Variants in PLLP observed in about 807,000 individuals in gnomAD.
The protein encoded by PLLP is plasmolipin.
A neutral mutation model predicts 19.7 loss-of-function variants in PLLP; 15 were observed. The observed-to-expected ratio is 0.76, with a 90% confidence interval of 0.51 to 1.17. The LOEUF (loss-of-function observed/expected upper bound fraction) is 1.17. Among genes scored for constraint, PLLP ranks in the 50% most tolerant of loss-of-function variants. The pLI is 0.00. For missense variants in PLLP, 255 were observed against 258.3 expected, an observed-to-expected ratio of 0.99 and a Z score of 0.09; for synonymous variants, 111 against 116.3, an observed-to-expected ratio of 0.95 and a Z score of 0.29.
At chr16:57,264,255 T>C (rs751782668) in intron 1 of PLLP, among the ~76,000 whole-genome samples, 30 of 152,294 alleles carry the variant, frequency 2.0e-4, no homozygotes, top group Non-Finnish European at 4.0e-4. Context: ...TTCCTCGGCC[T>C]ACTCCCCATC....
At chr16:57,259,367 C>A (rs2075435456) in intron 2 of PLLP, among the ~76,000 whole-genome samples, 1 of 152,240 alleles carries the variant, frequency 6.6e-6, no homozygotes, top group South Asian at 2.1e-4. Context: ...TCTCTGCCTT[C>A]AGGGGGAAGA....
At chr16:57,259,496 C>T (rs2075435752) in intron 2 of PLLP, among the ~76,000 whole-genome samples, 1 of 152,158 alleles carries the variant, frequency 6.6e-6, no homozygotes, top group Non-Finnish European at 1.5e-5. Context: ...AGGAAGGGGC[C>T]CTCTGCTGAC....
In PLLP at chr16:57,284,445, G is replaced by A. The variant is rs748836837; in HGVS notation, c.96C>T (p.Phe32=). ...TGAGCGCCCCGAGGCGGGAGCGCAC[G>A]AAGCCCAGGTCCGGGCGCAGCGCCG... ...SVSALRPDLG[F]VRSRLGALML... The change falls in exon 1 of 4, where the codon TTC becomes TTT. Residue 32 remains phenylalanine (F), a synonymous_variant. Transcript: ENST00000219207. 6 of 1,405,122 alleles carry A rather than the reference G, an allele frequency of 4.3e-6. No homozygotes were observed. In the Middle Eastern group the frequency reaches 9.7e-4, roughly 227 times the overall value. 87.0% of individuals were successfully genotyped at this position (1,405,122 alleles called of 1,614,324 possible). A position where few individuals can be genotyped will look rare whatever the true frequency, so the allele number is the denominator to read the frequency against.
intron 1 of PLLP, among the ~76,000 whole-genome samples, chr16:57,281,517 C>CTGTTTTTTTTTTTT (rs1901218414): frequency 7.7e-6 from 1 of 130,142 alleles, no homozygotes; most frequent in African/African-American, 3.1e-5. Flanking sequence ...TTTTTTATTT[C>CTGTTTTTTTTTTTT]TTTTTTTTTT....
intron 3 of PLLP, 140 bp downstream of exon 3, chr16:57,258,322 C>A: frequency 1.3e-6 from 1 of 760,156 alleles, no homozygotes; most frequent in South Asian, 1.9e-5. Flanking sequence ...GGCGGCCCGG[C>A]TCCCCTCTAA....
intron 1 of PLLP, among the ~76,000 whole-genome samples, chr16:57,271,023 T>C (rs2075473290): frequency 6.6e-6 from 1 of 151,992 alleles, no homozygotes; most frequent in Admixed American, 6.5e-5. Context: ...CACCCCCACC[T>C]CCCGCGTGGA....
intron 2 of PLLP, among the ~76,000 whole-genome samples, chr16:57,260,615 T>C (rs1372447526): frequency 6.6e-6 from 1 of 152,218 alleles, no homozygotes; most frequent in Non-Finnish European, 1.5e-5. Flanking sequence ...TTGCTTGTCT[T>C]ACAATCATGT....
rs1251398284 is a variant in PLLP at position 57,277,670 on chromosome 16, G to T, written c.135+6736C>A. ...AGATGGACACAGCTTGCTGTGCACT[G>T]ATACAGAATATCCCTAGGTGTATTG... On this transcript the variant is annotated intron_variant, in intron 1 of 3. Coordinates refer to ENST00000219207, the MANE Select transcript of PLLP (RefSeq NM_015993.3). Among the ~76,000 whole-genome samples, 3 of 152,152 alleles carry T rather than the reference G, an allele frequency of 2.0e-5. No homozygotes were observed. The South Asian group carries it at 6.2e-4, about 32-fold the overall frequency.
intron 1 of PLLP, among the ~76,000 whole-genome samples, chr16:57,284,008 G>A (rs1352001091): frequency 6.6e-6 from 1 of 152,144 alleles, no homozygotes; most frequent in Non-Finnish European, 1.5e-5. Context: ...CGGGCAGAAA[G>A]AGGGGTGAAA....
At chr16:57,273,628 T>C (rs1676480170) in intron 1 of PLLP, among the ~76,000 whole-genome samples, 4 of 152,176 alleles carry the variant, frequency 2.6e-5, no homozygotes, top group African/African-American at 7.2e-5. Flanking sequence ...CCAATTACCA[T>C]GGAGACCTGG....
At chr16:57,269,015 T>C (rs924051691) in intron 1 of PLLP, among the ~76,000 whole-genome samples, 2 of 152,122 alleles carry the variant, frequency 1.3e-5, no homozygotes, top group South Asian at 4.1e-4. Flanking sequence ...ACCTGACAGA[T>C]AAGGCGGTGG....
chr16:57,258,768 A>C (rs991890007), intron 2 of PLLP, among the ~76,000 whole-genome samples, 184 bp from the exon 3 acceptor site: 3 of 151,712 alleles, frequency 2.0e-5, no homozygotes, highest in Non-Finnish European at 4.4e-5. Context: ...CAAAAATAAA[A>C]AAGTTAGCCA....
chr16:57,284,457 C>T lies in PLLP; in HGVS notation c.84G>A (p.Pro28=). Residue 28 remains proline, a synonymous_variant, in exon 1 of 4, where the codon CCG becomes CCA. Coordinates refer to ENST00000219207, the MANE Select transcript of PLLP (RefSeq NM_015993.3). The part of the protein sequence containing the change: ...GAEASVSALR[P]DLGFVRSRLG... ...GGCGGGAGCGCACGAAGCCCAGGTC[C>T]GGGCGCAGCGCCGACACCGAGGCTT... The T allele has an allele frequency of 7.1e-7, 1 of 1,411,616 alleles. No individual in the cohort carries two copies. Among genetic ancestry groups the T allele is most frequent in the East Asian group, 3.0e-5 (1 of 33,704 alleles). The allele number at this position is 1,411,616 out of a possible 1,614,324, so 87.4% of individuals were successfully genotyped here. A position where few individuals can be genotyped will look rare whatever the true frequency, so the allele number is the denominator to read the frequency against.
chr16:57,283,613 G>A (rs1206361478), intron 1 of PLLP, among the ~76,000 whole-genome samples: 1 of 152,306 alleles, frequency 6.6e-6, no homozygotes, highest in Non-Finnish European at 1.5e-5. Context: ...GCTAACATCC[G>A]GGCCTGTGGC....
intron 1 of PLLP, among the ~76,000 whole-genome samples, 198 bp from the exon 2 acceptor site, chr16:57,262,268 A>T (rs995770566): frequency 4.6e-5 from 7 of 152,096 alleles, no homozygotes; most frequent in Non-Finnish European, 1.0e-4. Flanking sequence ...CAGAAAAATT[A>T]AGGCCGGGCG....
chr16:57,262,783 C>T (rs2075445996), intron 1 of PLLP, among the ~76,000 whole-genome samples: 1 of 152,080 alleles, frequency 6.6e-6, no homozygotes, highest in Non-Finnish European at 1.5e-5. Context: ...TCGTGTGATA[C>T]ACCACTGTAC....
intron 1 of PLLP, among the ~76,000 whole-genome samples, chr16:57,278,775 G>A (rs11865040): frequency 6.6e-6 from 1 of 152,016 alleles, no homozygotes. Context: ...ATTGCAATCC[G>A]AGTGTGACCA....
At chr16:57,284,370 C>A (rs780418138) in intron 1 of PLLP, 36 bp downstream of exon 1, 2 of 1,337,214 alleles carry the variant, frequency 1.5e-6, no homozygotes, top group Non-Finnish European at 1.9e-6. Context: ...GACCGGGAGC[C>A]CCCGGCCAAC....
Position 57,256,260 on chromosome 16 carries a change from T to C in PLLP, c.*653A>G, listed in dbSNP as rs2075425123. The C allele has an allele frequency of 2.6e-6, 1 of 389,504 alleles. No individual in the cohort carries two copies. The highest frequency in any genetic ancestry group is 4.5e-6 in the Non-Finnish European group (1 of 221,094). 24.1% of individuals were successfully genotyped at this position (389,504 alleles called of 1,614,324 possible). On this transcript the variant is annotated 3_prime_UTR_variant, in exon 4 of 4. Transcript: ENST00000219207. ...ATGTTAGCTTCGCCCAAAGGGAGTA[T>C]TACAGAGAGAGGCTTGGGAAAGGGA...
Sources: allele counts gnomAD v4.1 joint callset (sites outside exome capture counted in the v4.1 genomes callset), GRCh38; gene constraint gnomAD v4.1.1; transcripts MANE v1.5; gene names NCBI Gene and HGNC (gene_info 2026-07-23, HGNC 2026-07-21).